CASD1: variants seen among roughly 807,000 people sequenced by gnomAD.
The protein encoded by CASD1 is N-acetylneuraminate (7)9-O-acetyltransferase.
A neutral mutation model predicts 100.0 loss-of-function variants in CASD1; 41 were observed. The observed-to-expected ratio is 0.41, with a 90% CI of 0.32 to 0.53. The LOEUF is 0.53. Ranked by LOEUF, CASD1 falls within the 20% of genes least tolerant of loss-of-function variation. CASD1 has a pLI of 0.25. For synonymous variants in CASD1, 321 were observed against 315.6 expected (o/e 1.02, Z -0.18); for missense variants, 774 against 948.7 (o/e 0.82, Z 2.42).
the CASD1 span, among the ~76,000 whole-genome samples, chr7:94,592,982 G>T: frequency 6.6e-6 from 1 of 152,034 alleles, no homozygotes; most frequent in African/African-American, 2.4e-5. Flanking sequence ...ATTCTTGGCT[G>T]CCTGATACTT....
intron 1 of CASD1, among the ~76,000 whole-genome samples, chr7:94,516,539 T>C (rs1451711581): frequency 1.3e-5 from 2 of 152,214 alleles, no homozygotes; most frequent in African/African-American, 4.8e-5. Context: ...TAACTTGCTA[T>C]TGACTATTGA....
chr7:94,598,969 T>C, the CASD1 span: 1 of 1,610,620 alleles, frequency 6.2e-7, no homozygotes, highest in Admixed American at 1.7e-5. Flanking sequence ...GGATGCTAGG[T>C]CAAAAAGAAA....
the CASD1 span, among the ~76,000 whole-genome samples, chr7:94,570,839 A>G: frequency 1.2e-4 from 19 of 152,138 alleles, no homozygotes; most frequent in African/African-American, 4.6e-4. Context: ...GTGGAGATAT[A>G]AAGCAAAATT....
At chr7:94,520,834 G>C (rs1794225441) in intron 3 of CASD1, among the ~76,000 whole-genome samples, 1 of 152,082 alleles carries the variant, frequency 6.6e-6, no homozygotes, top group Non-Finnish European at 1.5e-5. Flanking sequence ...GCTCGTGCCT[G>C]TAATCCGAGC....
chr7:94,570,966 C>A, the CASD1 span, among the ~76,000 whole-genome samples: 1 of 151,508 alleles, frequency 6.6e-6, no homozygotes, highest in South Asian at 2.1e-4. Flanking sequence ...CTACCTTGAG[C>A]ATTTCTTGTA....
At chr7:94,542,748 G>T (rs553809353) in intron 10 of CASD1, among the ~76,000 whole-genome samples, 2 of 152,072 alleles carry the variant, frequency 1.3e-5, no homozygotes, top group African/African-American at 4.8e-5. Context: ...TCCACGAAGG[G>T]GATATTTTAG....
chr7:94,545,853 A>G (rs1292642333), intron 12 of CASD1, 152 bp downstream of exon 12: 6 of 510,478 alleles, frequency 1.2e-5, no homozygotes, highest in Non-Finnish European at 2.0e-5. Flanking sequence ...TTCTTAAACG[A>G]TATTTCTAAA....
At chr7:94,546,966 G>C (rs1795710537) in intron 12 of CASD1, 130 bp from the exon 13 acceptor site, 1 of 519,920 alleles carries the variant, frequency 1.9e-6, no homozygotes. Flanking sequence ...GATATATTTT[G>C]TGTATTCTTG....
chr7:94,593,408 T>A, the CASD1 span, among the ~76,000 whole-genome samples: 3 of 151,940 alleles, frequency 2.0e-5, no homozygotes, highest in Non-Finnish European at 2.9e-5. Flanking sequence ...TCCAAAAAAA[T>A]CAATTGGTAT....
At chr7:94,633,095 G>A in the CASD1 span, among the ~76,000 whole-genome samples, 2 of 152,002 alleles carry the variant, frequency 1.3e-5, no homozygotes, top group Non-Finnish European at 2.9e-5. Context: ...ATCAAGCCAA[G>A]GTAACAGGGT....
At chr7:94,511,106 G>A (rs1264924910) in intron 1 of CASD1, among the ~76,000 whole-genome samples, 1 of 151,990 alleles carries the variant, frequency 6.6e-6, no homozygotes, top group Non-Finnish European at 1.5e-5. Flanking sequence ...TTTTTCCTTT[G>A]TAAAAATGTC....
the CASD1 span, among the ~76,000 whole-genome samples, chr7:94,565,971 A>C: frequency 6.6e-6 from 1 of 152,172 alleles, no homozygotes; most frequent in Non-Finnish European, 1.5e-5. Flanking sequence ...GGGAGCTCCA[A>C]AACCAAGATT....
the CASD1 span, among the ~76,000 whole-genome samples, chr7:94,608,246 C>CCAGGGGTTGAACCCAGGAGG: frequency 6.6e-6 from 1 of 152,088 alleles, no homozygotes; most frequent in African/African-American, 2.4e-5. Flanking sequence ...GGAGGCTGAG[C>CCAGGGGTTGAACCCAGGAGG]CAGGGGTTGA....
At chr7:94,615,368 AG>A in the CASD1 span, among the ~76,000 whole-genome samples, 3 of 1,664 alleles carry the variant, frequency 1.8e-3, no homozygotes, top group East Asian at 0.031. Context: ...CAAAATAAAT[AG>A]ATAGATAGAT....
chr7:94,616,784 T>A, the CASD1 span: 1 of 152,236 alleles, frequency 6.6e-6, no homozygotes, highest in African/African-American at 2.4e-5. Context: ...AGTAAGATTT[T>A]ATTTTATGAG....
chr7:94,597,312 T>C, the CASD1 span: 1 of 152,226 alleles, frequency 6.6e-6, no homozygotes, highest in Non-Finnish European at 1.5e-5. Flanking sequence ...CCCTAAGTGA[T>C]GTTAGAGAAC....
At chr7:94,527,743 A>T (rs1432693947) in intron 4 of CASD1, among the ~76,000 whole-genome samples, 1 of 152,198 alleles carries the variant, frequency 6.6e-6, no homozygotes. Context: ...GTATGTGCAA[A>T]GTCCTAGAGA....
the CASD1 span, chr7:94,587,904 T>TA: frequency 6.8e-7 from 1 of 1,478,008 alleles, no homozygotes; most frequent in Non-Finnish European, 9.0e-7. Context: ...TTAAGAGACT[T>TA]ACTTAATAGT....
At chr7:94,588,654 T>G in the CASD1 span, 5 of 1,571,918 alleles carry the variant, frequency 3.2e-6, no homozygotes, top group African/African-American at 2.7e-5. Flanking sequence ...ATTAGATTCA[T>G]TCATAAACAT....
Sources: gnomAD v4.1 joint callset for allele counts (sites outside exome capture counted in the v4.1 genomes callset) on GRCh38, gnomAD v4.1.1 for gene constraint, MANE v1.5 for transcripts, NCBI Gene and HGNC (gene_info 2026-07-23, HGNC 2026-07-21) for gene names.